Variants in FGGY observed in about 807,000 individuals in gnomAD.
FGGY encodes the protein FGGY carbohydrate kinase domain containing.
Under a neutral mutation model 71.3 loss-of-function variants are expected in FGGY, and 72 were observed. The observed-to-expected ratio is 1.01, with a 90% confidence interval of 0.84 to 1.23. The LOEUF (loss-of-function observed/expected upper bound fraction) is 1.23, where lower values mean the gene tolerates loss of function less well. FGGY is among the 50% of genes most tolerant of loss of function. The pLI, the probability that FGGY is intolerant of heterozygous loss-of-function variation, is 0.00. For synonymous variants in FGGY, 251 were observed against 250.3 expected (o/e 1.00, Z -0.02); for missense variants, 668 against 682.3 (o/e 0.98, Z 0.23).
intron 6 of FGGY, among the ~76,000 whole-genome samples, chr1:59,499,275 C>G (rs189032306): frequency 1.4e-5 from 2 of 140,016 alleles, no homozygotes; most frequent in East Asian, 4.1e-4. Flanking sequence ...ATGGGTAGTA[C>G]TGAACCCTAT....
At chr1:59,580,802 C>T (rs2096179912) in intron 8 of FGGY, among the ~76,000 whole-genome samples, 1 of 152,132 alleles carries the variant, frequency 6.6e-6, no homozygotes, top group African/African-American at 2.4e-5. Context: ...AAGTCCCAAG[C>T]ACATATTATA....
At chr1:59,487,807 C>G (rs911385633) in intron 6 of FGGY, among the ~76,000 whole-genome samples, 48 of 152,074 alleles carry the variant, frequency 3.2e-4, no homozygotes, top group African/African-American at 1.1e-3. Flanking sequence ...ACTCCCACCC[C>G]CTCCCCCTTG....
In FGGY at chr1:59,381,480, A is replaced by G. The variant is rs147427891; in HGVS notation, c.554+2643A>G. 7.2e-4 allele frequency among the ~76,000 whole-genome samples: 110 copies of G among 152,230 alleles called. 1 individual carries two copies. The highest frequency in any genetic ancestry group is 2.5e-3 in the African/African-American group (105 of 41,524). Reference sequence around the variant, plus strand: ...TTCTGTTAAAAGCTGAGATACAAACATACACATTATCCAAGGCCTACACAG... The same window carrying G: ...TTCTGTTAAAAGCTGAGATACAAACGTACACATTATCCAAGGCCTACACAG... On this transcript the variant is annotated intron_variant, in intron 5 of 15. Transcript: ENST00000303721.
intron 14 of FGGY, among the ~76,000 whole-genome samples, chr1:59,752,868 T>C (rs920032259): frequency 6.6e-6 from 1 of 152,288 alleles, no homozygotes; most frequent in Admixed American, 6.5e-5. Flanking sequence ...CCCTATTTTT[T>C]CCTCCAGAAA....
In FGGY at chr1:59,546,095, C is replaced by T. The variant is rs545448032; in HGVS notation, c.800-8029C>T. On this transcript the variant is annotated intron_variant, in intron 7 of 15. Coordinates refer to ENST00000303721, the MANE Select transcript of FGGY (RefSeq NM_018291.5). ...GTTATGCCAAGCCTTGCTATTAACACCAAAGATTGGAAGTTGTTGGTAGTA... is the reference window on the plus strand; with the variant it reads ...GTTATGCCAAGCCTTGCTATTAACATCAAAGATTGGAAGTTGTTGGTAGTA... Among the ~76,000 whole-genome samples, 8 of 152,244 alleles carry T rather than the reference C, an allele frequency of 5.3e-5. No individual in the cohort carries two copies. The South Asian group carries it at 1.7e-3, about 32-fold the overall frequency.
At chr1:59,587,344 G>T (rs1451463296) in intron 8 of FGGY, among the ~76,000 whole-genome samples, 2 of 152,102 alleles carry the variant, frequency 1.3e-5, no homozygotes, top group Admixed American at 1.3e-4. Flanking sequence ...GCCTGCCTCT[G>T]TAGGCTCCAC....
intron 9 of FGGY, among the ~76,000 whole-genome samples, chr1:59,612,180 A>G (rs1016861065): frequency 5.3e-5 from 8 of 152,242 alleles, no homozygotes; most frequent in African/African-American, 1.9e-4. Flanking sequence ...GAGCAACTCC[A>G]AGACACATAA....
chr1:59,722,221 T>G (rs1402826251), intron 14 of FGGY, among the ~76,000 whole-genome samples: 1 of 152,040 alleles, frequency 6.6e-6, no homozygotes, highest in African/African-American at 2.4e-5. Flanking sequence ...AACAGAAGAC[T>G]GACAAAGTAC....
chr1:59,600,491 G>A (rs994631856), intron 8 of FGGY, among the ~76,000 whole-genome samples: 42 of 152,154 alleles, frequency 2.8e-4, no homozygotes, highest in Admixed American at 6.6e-4. Context: ...GCAGTGAGAT[G>A]AACATAGGAG....
chr1:59,627,268 T>G (rs1194203344), intron 10 of FGGY, among the ~76,000 whole-genome samples: 1 of 151,796 alleles, frequency 6.6e-6, no homozygotes, highest in African/African-American at 2.4e-5. Flanking sequence ...ACATAAATAT[T>G]ATACTCTAAT....
intron 1 of FGGY, among the ~76,000 whole-genome samples, chr1:59,307,376 C>T (rs1481931103): frequency 6.7e-6 from 1 of 149,158 alleles, no homozygotes; most frequent in East Asian, 2.0e-4. Flanking sequence ...ATCTAGTTAA[C>T]CAAATATTGG....
At chr1:59,602,743 T>C (rs1487046592) in intron 8 of FGGY, among the ~76,000 whole-genome samples, 1 of 152,226 alleles carries the variant, frequency 6.6e-6, no homozygotes, top group Non-Finnish European at 1.5e-5. Context: ...TGGCCATCTC[T>C]GTGAAATGCT....
chr1:59,672,453 A>C (rs543508483), intron 13 of FGGY, among the ~76,000 whole-genome samples: 2 of 152,320 alleles, frequency 1.3e-5, no homozygotes, highest in Admixed American at 6.5e-5. Context: ...CCCCATTTGC[A>C]TTTGGGAACC....
chr1:59,442,053 A>G lies in FGGY; in HGVS notation c.555-14908A>G, dbSNP rs192292582. The stretch of plus-strand genomic sequence containing the variant: ...TCTTCCTCTGTTGTTCCTCTTAAAT[A>G]TCTTGTATTTCACTCATGAAATTCA... On this transcript the variant is annotated intron_variant, in intron 5 of 15. Coordinates refer to ENST00000303721, the MANE Select transcript of FGGY (RefSeq NM_018291.5). 7.7e-4 allele frequency among the ~76,000 whole-genome samples: 118 copies of G among 152,260 alleles called. 1 individual carries two copies. The highest frequency in any genetic ancestry group is 2.6e-3 in the African/African-American group (108 of 41,560).
At chr1:59,372,610 A>G (rs1427031664) in intron 4 of FGGY, among the ~76,000 whole-genome samples, 1 of 152,240 alleles carries the variant, frequency 6.6e-6, no homozygotes, top group Non-Finnish European at 1.5e-5. Context: ...CAATTAAAAA[A>G]GAGAATTTTA....
intron 11 of FGGY, among the ~76,000 whole-genome samples, chr1:59,650,112 G>C (rs1490452300): frequency 2.0e-5 from 3 of 148,370 alleles, no homozygotes; most frequent in Non-Finnish European, 2.9e-5. Context: ...ACTTGATCAT[G>C]GTGGATAAGC....
Position 59,372,224 on chromosome 1 carries a change from A to G in FGGY, c.466-6525A>G, listed in dbSNP as rs559652091. 2.6e-3 allele frequency among the ~76,000 whole-genome samples: 402 copies of G among 152,240 alleles called. 1 individual carries two copies. Among genetic ancestry groups the G allele is most frequent in the African/African-American group, 9.1e-3 (378 of 41,550 alleles). ...AGACGCAATTAAAAATGATAAAGGG[A>G]ATATCACCACCGATCCCACAGAAAT... On this transcript the variant is annotated intron_variant, in intron 4 of 15. Transcript: ENST00000303721.
Position 59,497,895 on chromosome 1 carries a change from G to A in FGGY, c.671-14416G>A, listed in dbSNP as rs140462194. On this transcript the variant is annotated intron_variant, in intron 6 of 15. Transcript: ENST00000303721. ...TCTCACACTGCTGCCCCATTTTTCC[G>A]TACGCAGTCTTCCAGGCCCTTTTTT... Among the ~76,000 whole-genome samples the A allele has an allele frequency of 5.8e-4, 84 of 144,586 alleles. No homozygotes were observed. The South Asian group carries it at 8.9e-3, about 15-fold the overall frequency. The allele number at this position is 144,586 out of a possible 152,430, so 94.9% of individuals were successfully genotyped here. A position where few individuals can be genotyped will look rare whatever the true frequency, so the allele number is the denominator to read the frequency against.
intron 9 of FGGY, 65 bp downstream of exon 9, chr1:59,607,975 A>T: frequency 7.3e-7 from 1 of 1,362,324 alleles, no homozygotes; most frequent in East Asian, 2.3e-5. Flanking sequence ...CCATTTTGTC[A>T]CATGACCCAT....
Sources: gnomAD v4.1 joint callset for allele counts (sites outside exome capture counted in the v4.1 genomes callset) on GRCh38, gnomAD v4.1.1 for gene constraint, MANE v1.5 for transcripts, NCBI Gene and HGNC (gene_info 2026-07-23, HGNC 2026-07-21) for gene names.